Variants in ADGRL3 observed in about 807,000 individuals in gnomAD.
ADGRL3 encodes the protein calcium-independent alpha-latrotoxin receptor 3.
ADGRL3 carries 62 observed loss-of-function variants against 153.5 expected under a neutral mutation model. The ratio of observed to expected loss-of-function variants is 0.40; its 90% CI spans 0.33 to 0.50. The LOEUF (loss-of-function observed/expected upper bound fraction) is 0.50. Ranked by LOEUF, ADGRL3 falls within the 20% of genes least tolerant of loss-of-function variation. The probability of loss-of-function intolerance (pLI) is 0.47; values close to 1 mark genes in which losing one functional copy is unlikely to be tolerated. For synonymous variants in ADGRL3, 710 were observed against 672.5 expected (o/e 1.06, Z -0.86); for missense variants, 1,641 against 1,859.4 (o/e 0.88, Z 2.16).
chr4:61,476,094 A>G (rs1019881460), intron 2 of ADGRL3, among the ~76,000 whole-genome samples: 5 of 152,202 alleles, frequency 3.3e-5, no homozygotes, highest in Non-Finnish European at 7.3e-5. Context: ...CTGTTGCACA[A>G]CAGCCATAGT....
chr4:61,909,488 G>T lies in ADGRL3; in HGVS notation c.1888-72G>T, dbSNP rs74518764. 692 of 1,019,282 alleles carry T rather than the reference G, an allele frequency of 6.8e-4. 4 individuals carry two copies. In the African/African-American group the frequency reaches 0.01, roughly 15 times the overall value. 63.1% of individuals were successfully genotyped at this position (1,019,282 alleles called of 1,614,324 possible). ...GATGATTACAATTACATGCAAACAT[G>T]ATCGTTGAAAGAAAGCAATAAAAGT... On this transcript the variant is annotated intron_variant, in intron 11 of 26. Transcript: ENST00000683033.
chr4:61,267,293 A>G (rs369063275), intron 1 of ADGRL3, among the ~76,000 whole-genome samples: 4 of 151,884 alleles, frequency 2.6e-5, no homozygotes, highest in African/African-American at 9.6e-5. Flanking sequence ...GCAACTTAGC[A>G]GGAATAAAAG....
intron 1 of ADGRL3, among the ~76,000 whole-genome samples, chr4:61,257,523 T>G (rs2092086129): frequency 6.6e-6 from 1 of 152,188 alleles, no homozygotes; most frequent in Admixed American, 6.5e-5. Flanking sequence ...AAGATGTGTA[T>G]TTAAGAAGAT....
chr4:61,299,142 C>G (rs2094502807), intron 1 of ADGRL3, among the ~76,000 whole-genome samples: 1 of 151,832 alleles, frequency 6.6e-6, no homozygotes, highest in Admixed American at 6.6e-5. Flanking sequence ...CTCTACATGC[C>G]CGCCGTCCCC....
intron 5 of ADGRL3, among the ~76,000 whole-genome samples, chr4:61,603,570 G>A (rs1406719384): frequency 6.6e-6 from 1 of 152,134 alleles, no homozygotes; most frequent in Non-Finnish European, 1.5e-5. Context: ...CTAGAACCAC[G>A]AGTATTTAAT....
chr4:62,029,141 T>C (rs548053821), intron 22 of ADGRL3, among the ~76,000 whole-genome samples: 1 of 151,840 alleles, frequency 6.6e-6, no homozygotes, highest in Non-Finnish European at 1.5e-5. Flanking sequence ...AACAATTTCC[T>C]GTGGTACAGA....
chr4:61,431,332 A>C (rs540450170), intron 2 of ADGRL3, among the ~76,000 whole-genome samples: 1 of 152,274 alleles, frequency 6.6e-6, no homozygotes, highest in South Asian at 2.1e-4. Context: ...TGTCCTCCCC[A>C]TGGCTGTCCT....
At chr4:61,973,805 C>T (rs1021654497) in intron 17 of ADGRL3, among the ~76,000 whole-genome samples, 11 of 151,850 alleles carry the variant, frequency 7.2e-5, no homozygotes, top group Non-Finnish European at 1.5e-4. Flanking sequence ...CGTTATTTGT[C>T]TTTTTGTTCT....
At chr4:61,354,570 T>TTGTG (rs1304906195) in intron 1 of ADGRL3, among the ~76,000 whole-genome samples, 8 of 93,066 alleles carry the variant, frequency 8.6e-5, no homozygotes, top group South Asian at 5.0e-4. Flanking sequence ...TGATAAGACT[T>TTGTG]TGTCTGTGTG....
intron 5 of ADGRL3, among the ~76,000 whole-genome samples, chr4:61,652,974 C>T (rs150539632): frequency 0.012 from 1,856 of 152,106 alleles, 18 homozygotes; most frequent in Non-Finnish European, 0.02. Flanking sequence ...CCCTTCCCCC[C>T]GGCCATATTG....
At chr4:61,310,381 C>T (rs187589254) in intron 1 of ADGRL3, among the ~76,000 whole-genome samples, 1 of 152,094 alleles carries the variant, frequency 6.6e-6, no homozygotes, top group African/African-American at 2.4e-5. Flanking sequence ...GATAGTTTTA[C>T]TGTCTTTCCT....
chr4:61,451,733 T>C (rs2097676573), intron 2 of ADGRL3, among the ~76,000 whole-genome samples: 1 of 152,160 alleles, frequency 6.6e-6, no homozygotes, highest in East Asian at 1.9e-4. Context: ...TGTGTATGCA[T>C]ACATATGTTT....
At chr4:61,292,526 TG>T (rs1286513595) in intron 1 of ADGRL3, among the ~76,000 whole-genome samples, 1 of 152,196 alleles carries the variant, frequency 6.6e-6, no homozygotes, top group African/African-American at 2.4e-5. Flanking sequence ...CGTGTGTATG[TG>T]TAACTGTGTA....
At chr4:61,274,492 A>T (rs1201302124) in intron 1 of ADGRL3, among the ~76,000 whole-genome samples, 1 of 152,194 alleles carries the variant, frequency 6.6e-6, no homozygotes, top group African/African-American at 2.4e-5. Context: ...TCAGCAATTT[A>T]TACTCTCAGT....
chr4:62,037,260 T>TCC (rs546170923), intron 23 of ADGRL3, among the ~76,000 whole-genome samples: 159 of 151,724 alleles, frequency 1.0e-3, no homozygotes, highest in Non-Finnish European at 1.9e-3. Flanking sequence ...CTGATATTTC[T>TCC]CTCTCTCTCT....
At chr4:61,428,323 A>G (rs1273063925) in intron 2 of ADGRL3, 9 of 152,216 alleles carry the variant, frequency 5.9e-5, no homozygotes, top group Admixed American at 5.9e-4. Context: ...AACTGTGGTT[A>G]TATAATGCAA....
chr4:61,520,512 A>G (rs2098523504), intron 4 of ADGRL3, among the ~76,000 whole-genome samples: 1 of 152,178 alleles, frequency 6.6e-6, no homozygotes, highest in South Asian at 2.1e-4. Context: ...AGAGCCACAA[A>G]TGCTTCCACA....
At chr4:61,532,012 C>T (rs919612748) in intron 4 of ADGRL3, among the ~76,000 whole-genome samples, 11 of 152,120 alleles carry the variant, frequency 7.2e-5, no homozygotes, top group African/African-American at 2.7e-4. Flanking sequence ...GAGTAGATTA[C>T]TTATTTGATA....
chr4:61,579,639 A>G (rs758905731), intron 4 of ADGRL3: 1 of 510,030 alleles, frequency 2.0e-6, no homozygotes, highest in Non-Finnish European at 3.9e-6. Context: ...ATAGCTGCTT[A>G]ATTGTTTGAT....
Sources: allele counts gnomAD v4.1 joint callset (sites outside exome capture counted in the v4.1 genomes callset), GRCh38; gene constraint gnomAD v4.1.1; transcripts MANE v1.5; gene names NCBI Gene and HGNC (gene_info 2026-07-23, HGNC 2026-07-21).